BCL7C: variants seen among roughly 807,000 people sequenced by gnomAD.
The protein encoded by BCL7C is B-cell CLL/lymphoma 7 protein family member C.
Under a neutral mutation model 26.2 loss-of-function variants are expected in BCL7C, and 8 were observed. That is an observed-to-expected ratio of 0.30 (90% CI 0.18 to 0.55). The LOEUF (loss-of-function observed/expected upper bound fraction) is 0.55. Among genes scored for constraint, BCL7C ranks in the 20% least tolerant of loss-of-function variants. The probability of loss-of-function intolerance (pLI) is 0.93; values close to 1 mark genes in which losing one functional copy is unlikely to be tolerated. For synonymous variants in BCL7C, 90 were observed against 116.5 expected, an observed-to-expected ratio of 0.77 and a Z score of 1.47; for missense variants, 262 against 298.5, an observed-to-expected ratio of 0.88 and a Z score of 0.90.
rs764127931 is a variant in BCL7C, at chr16:30,892,954, G to C, written c.172-6C>G. 6.2e-7 allele frequency: 1 copy of C among 1,611,046 alleles called. No homozygotes were observed. Among genetic ancestry groups the C allele is most frequent in the East Asian group, 2.2e-5 (1 of 44,876 alleles). ...CCACCTGCCCGCCTTCGCTCCTGGG[G>C]GTTAGAGGATTAGGGTCAGAGCTCT... On this transcript the variant is annotated splice_polypyrimidine_tract_variant and splice_region_variant and intron_variant, in intron 2 of 5. Coordinates refer to ENST00000215115, the MANE Select transcript of BCL7C (RefSeq NM_004765.4).
chr16:30,892,270 CAAAAAAAAAAAAAAAA>C (rs55772061), intron 4 of BCL7C, among the ~76,000 whole-genome samples: 1 of 44,490 alleles, frequency 2.2e-5, no homozygotes, highest in African/African-American at 1.1e-4. Context: ...GACCCTTTCT[CAAAAAAAAAAAAAAAA>C]AAAAAAAAAA....
At chr16:30,866,174 T>C (rs2054825682) in intron 5 of BCL7C, among the ~76,000 whole-genome samples, 1 of 151,918 alleles carries the variant, frequency 6.6e-6, no homozygotes, top group African/African-American at 2.4e-5. Context: ...CAGGGAGTGA[T>C]GGAGGAGTTG....
At chr16:30,879,594 G>A (rs905295206) in intron 5 of BCL7C, among the ~76,000 whole-genome samples, 7 of 148,472 alleles carry the variant, frequency 4.7e-5, no homozygotes, top group African/African-American at 1.2e-4. Context: ...GGTGGCTCAC[G>A]CCTGTAATCC....
In BCL7C at chr16:30,834,711, A is replaced by G; in HGVS notation, c.*237T>C. The G allele has an allele frequency of 2.4e-6, 1 of 412,558 alleles. No individual in the cohort carries two copies. The highest frequency in any genetic ancestry group is 4.3e-6 in the Non-Finnish European group (1 of 230,800). The allele number at this position is 412,558 out of a possible 1,614,324, so 25.6% of individuals were successfully genotyped here. A position where few individuals can be genotyped will look rare whatever the true frequency, so the allele number is the denominator to read the frequency against. Reference sequence around the variant, plus strand: ...CCTAGGCCTCTAGCAAGGCGGCCTCAGGCACTGGATGTGGTCCGAGTTCTG... The same window carrying G: ...CCTAGGCCTCTAGCAAGGCGGCCTCGGGCACTGGATGTGGTCCGAGTTCTG... On this transcript the variant is annotated 3_prime_UTR_variant, in exon 6 of 6. Transcript: ENST00000380317. The surrounding 1 kb of genome is among the most constrained non-coding windows in gnomAD (Gnocchi z 4.3).
At position 30,888,980 on chromosome 16, in the gene BCL7C, G is replaced by A. The variant is rs767978633; in HGVS notation, c.443-35C>T. ...CAAGGTAACAAACATCCCCTGAACAGCCACTCTGTGCCAGCAGCACAGACA... is the reference window on the plus strand; with the variant it reads ...CAAGGTAACAAACATCCCCTGAACAACCACTCTGTGCCAGCAGCACAGACA... On this transcript the variant is annotated intron_variant, in intron 4 of 5. Coordinates refer to ENST00000215115, the MANE Select transcript of BCL7C (RefSeq NM_004765.4). 2.9e-5 allele frequency: 46 copies of A among 1,589,748 alleles called. No homozygotes were observed. In the Middle Eastern group the frequency reaches 2.2e-3, roughly 75 times the overall value.
intron 5 of BCL7C, among the ~76,000 whole-genome samples, chr16:30,859,900 A>T (rs2054755366): frequency 6.6e-6 from 1 of 152,236 alleles, no homozygotes; most frequent in South Asian, 2.1e-4. Flanking sequence ...AACCTGGGAC[A>T]GGAGGACTCC....
At chr16:30,841,008 A>T (rs905730277) in intron 5 of BCL7C, among the ~76,000 whole-genome samples, 10 of 152,072 alleles carry the variant, frequency 6.6e-5, no homozygotes, top group Non-Finnish European at 1.0e-4. Flanking sequence ...ACCTTAATTA[A>T]TGGTCTCCCT....
intron 5 of BCL7C, chr16:30,851,866 A>G (rs938575291): frequency 4.1e-6 from 1 of 242,418 alleles, no homozygotes; most frequent in Non-Finnish European, 8.3e-6. Flanking sequence ...CACACATCAC[A>G]ATCTGATCAA....
chr16:30,890,518 C>T (rs1399679560), intron 4 of BCL7C, among the ~76,000 whole-genome samples: 1 of 151,970 alleles, frequency 6.6e-6, no homozygotes, highest in Non-Finnish European at 1.5e-5. Context: ...GATCATCACC[C>T]TTATAAGGTT....
intron 5 of BCL7C, among the ~76,000 whole-genome samples, chr16:30,862,194 T>C (rs962703755): frequency 6.6e-6 from 1 of 152,154 alleles, no homozygotes; most frequent in African/African-American, 2.4e-5. Context: ...AGCTCCCTTA[T>C]TAGGTCGAGA....
At position 30,893,963 on chromosome 16, in the gene BCL7C, G is replaced by T. The variant is rs758841312; in HGVS notation, c.-19C>A. On this transcript the variant is annotated 5_prime_UTR_variant, in exon 1 of 6. Coordinates refer to ENST00000215115, the MANE Select transcript of BCL7C (RefSeq NM_004765.4). This position sits in a 1 kb window ranked among gnomAD's most constrained non-coding sequence, Gnocchi z 5.2. The stretch of plus-strand genomic sequence containing the variant: ...CGGCCATGCTGGCGGGGCTGGGGCC[G>T]GGGCCGAGCCCGCGGCGGGGCCGCC... The T allele has an allele frequency of 2.2e-6, 3 of 1,364,526 alleles. No individual in the cohort carries two copies. The highest frequency in any genetic ancestry group is 1.6e-5 in the South Asian group (1 of 61,102). 84.5% of individuals were successfully genotyped at this position (1,364,526 alleles called of 1,614,324 possible). A position where few individuals can be genotyped will look rare whatever the true frequency, so the allele number is the denominator to read the frequency against.
intron 5 of BCL7C, among the ~76,000 whole-genome samples, chr16:30,877,747 A>G (rs1011478542): frequency 2.0e-5 from 3 of 151,982 alleles, no homozygotes; most frequent in African/African-American, 4.8e-5. Flanking sequence ...CCTAGTCCAG[A>G]TTTTTATATG....
chr16:30,833,719 G>A (rs890042310), exon 6 of BCL7C: 1 of 152,218 alleles, frequency 6.6e-6, no homozygotes, highest in African/African-American at 2.4e-5. Context: ...GCATTGGCTT[G>A]AAGCGTGAAA....
chr16:30,867,132 A>G (rs2054836262), intron 5 of BCL7C, among the ~76,000 whole-genome samples: 1 of 152,222 alleles, frequency 6.6e-6, no homozygotes. Flanking sequence ...GGAAATGCAC[A>G]TAAAACAAAG....
At chr16:30,862,940 C>A (rs1164427432) in intron 5 of BCL7C, among the ~76,000 whole-genome samples, 1 of 152,166 alleles carries the variant, frequency 6.6e-6, no homozygotes, top group Non-Finnish European at 1.5e-5. Flanking sequence ...TCATCCCAAC[C>A]CTTTTTGATT....
chr16:30,873,974 C>CACACACACACACACAG (rs1319629522), intron 5 of BCL7C, among the ~76,000 whole-genome samples: 18 of 148,088 alleles, frequency 1.2e-4, no homozygotes, highest in African/African-American at 4.2e-4. Context: ...CACACACACA[C>CACACACACACACACAG]AGAGGAAGGT....
At chr16:30,841,953 CAAA>C (rs1183661130) in intron 5 of BCL7C, among the ~76,000 whole-genome samples, 1 of 22,232 alleles carries the variant, frequency 4.5e-5, no homozygotes, top group Non-Finnish European at 8.8e-5. Context: ...GACTCCATCT[CAAA>C]AAAAAAAAAA....
rs567005864 is a variant in BCL7C at position 30,872,072 on chromosome 16, G to A, written c.528+16788C>T. Among the ~76,000 whole-genome samples the A allele has an allele frequency of 9.9e-5, 15 of 152,210 alleles. No individual in the cohort carries two copies. In the South Asian group the frequency reaches 1.2e-3, roughly 13 times the overall value. On this transcript the variant is annotated intron_variant, in intron 5 of 5. Transcript: ENST00000380317. The stretch of plus-strand genomic sequence containing the variant: ...AAGCTCTCTCTGGAAAAGGATATTC[G>A]TGTTATTGGAATGGGTTCTGAATTT...
Position 30,865,416 on chromosome 16 carries a change from A to T in BCL7C, c.528+23444T>A, listed in dbSNP as rs550287629. On this transcript the variant is annotated intron_variant, in intron 5 of 5. Transcript: ENST00000380317. The stretch of plus-strand genomic sequence containing the variant: ...TGTGACAGTCTCTACCAAAAAAAAA[A>T]TTTTTTTGAAAATTAGCCTGGCCTA... 3.5e-3 allele frequency among the ~76,000 whole-genome samples: 528 copies of T among 151,610 alleles called. 2 individuals are homozygous for T. The highest frequency in any genetic ancestry group is 0.01 in the African/African-American group (420 of 41,336).
Sources: allele counts gnomAD v4.1 joint callset (sites outside exome capture counted in the v4.1 genomes callset), GRCh38; gene constraint gnomAD v4.1.1; non-coding constraint Gnocchi (gnomAD v3.1); transcripts MANE v1.5; gene names NCBI Gene and HGNC (gene_info 2026-07-23, HGNC 2026-07-21).